The following RBBP8 variants were observed in gnomAD, a reference collection of about 807,000 sequenced individuals.
RBBP8 encodes DNA endonuclease RBBP8.
Under a neutral mutation model 108.3 loss-of-function variants are expected in RBBP8, and 88 were observed. The observed-to-expected ratio is 0.81, with a 90% CI of 0.68 to 0.97. RBBP8 has a LOEUF of 0.97. Ranked by LOEUF, RBBP8 falls within the 50% of genes least tolerant of loss-of-function variation. RBBP8 has a pLI of 0.00. For synonymous variants in RBBP8, 332 were observed against 348.2 expected (o/e 0.95, Z 0.52); for missense variants, 1,023 against 1,049.0 (o/e 0.98, Z 0.34).
intron 3 of RBBP8, among the ~76,000 whole-genome samples, chr18:22,918,501 G>A (rs974692544): frequency 3.9e-5 from 6 of 152,112 alleles, no homozygotes; most frequent in East Asian, 3.8e-4. Context: ...AAAAGGTACC[G>A]TAAAAATATG....
intron 2 of RBBP8, 74 bp downstream of exon 2, chr18:22,937,034 A>T: frequency 6.3e-7 from 1 of 1,591,212 alleles, no homozygotes; most frequent in East Asian, 2.3e-5. Flanking sequence ...TTTGTATGAC[A>T]GTCCTGTTTA....
chr18:23,020,691 C>G (rs1431165495), intron 17 of RBBP8, among the ~76,000 whole-genome samples: 1 of 152,086 alleles, frequency 6.6e-6, no homozygotes, highest in East Asian at 1.9e-4. Context: ...AATCTAAAGT[C>G]CTTATCAAGG....
At chr18:22,997,496 C>A (rs2045879783) in intron 13 of RBBP8, 124 bp from the exon 14 acceptor site, 1 of 700,012 alleles carries the variant, frequency 1.4e-6, no homozygotes, top group Non-Finnish European at 2.5e-6. Flanking sequence ...GCAAATATAG[C>A]TTAATGCTTA....
intron 1 of RBBP8, among the ~76,000 whole-genome samples, chr18:22,915,155 A>C (rs973007475): frequency 5.3e-5 from 8 of 152,048 alleles, no homozygotes; most frequent in African/African-American, 1.9e-4. Context: ...CTGACATATG[A>C]TTTTATCTGG....
At chr18:23,017,989 G>A (rs868081884) in intron 17 of RBBP8, among the ~76,000 whole-genome samples, 13 of 151,726 alleles carry the variant, frequency 8.6e-5, no homozygotes, top group South Asian at 6.2e-4. Context: ...CAATTATTCC[G>A]CCTGCCTTGG....
intron 17 of RBBP8, among the ~76,000 whole-genome samples, chr18:23,020,706 C>T (rs555214445): frequency 2.9e-4 from 44 of 152,192 alleles, no homozygotes; most frequent in African/African-American, 1.1e-3. Context: ...TCAAGGACAA[C>T]AAACTCTGGC....
chr18:22,971,006 T>C (rs1026119235), intron 5 of RBBP8, among the ~76,000 whole-genome samples: 1 of 152,238 alleles, frequency 6.6e-6, no homozygotes, highest in Non-Finnish European at 1.5e-5. Flanking sequence ...TTACCATCTT[T>C]AGAATTTGCA....
chr18:23,025,503 T>C (rs1164411300), intron 18 of RBBP8, among the ~76,000 whole-genome samples: 2 of 152,192 alleles, frequency 1.3e-5, no homozygotes, highest in Non-Finnish European at 2.9e-5. Context: ...GGTCACCAGA[T>C]AGAATCAGTC....
At chr18:22,943,840 C>T (rs1204581725) in intron 2 of RBBP8, among the ~76,000 whole-genome samples, 2 of 152,112 alleles carry the variant, frequency 1.3e-5, no homozygotes, top group African/African-American at 4.8e-5. Flanking sequence ...TTTGTTAATG[C>T]ATAAGGAATT....
In RBBP8 at chr18:23,001,683, A is replaced by C. The variant is rs1399148211; in HGVS notation, c.2241A>C (p.Ala747=). 6.2e-7 allele frequency: 1 copy of C among 1,614,196 alleles called. No homozygotes were observed. Among genetic ancestry groups the C allele is most frequent in the African/African-American group, 1.3e-5 (1 of 75,078 alleles). ...ESCLADSFSQ[A]ADEEEELSTA... Reference sequence around the variant, plus strand: ...GTTTGGCAGACAGTTTCTCCCAAGCAGCAGATGAAGAGGAGGAATTGTCTA... The same window carrying C: ...GTTTGGCAGACAGTTTCTCCCAAGCCGCAGATGAAGAGGAGGAATTGTCTA... Residue 747 remains alanine (A), a synonymous_variant, in exon 15 of 19, where the codon GCA becomes GCC. Coordinates refer to ENST00000327155, the MANE Select transcript of RBBP8 (RefSeq NM_002894.3).
At chr18:22,952,011 A>G (rs1463349207) in intron 4 of RBBP8, among the ~76,000 whole-genome samples, 2 of 152,160 alleles carry the variant, frequency 1.3e-5, no homozygotes, top group African/African-American at 2.4e-5. Flanking sequence ...GAACAGACAA[A>G]TGTGAAAGTC....
chr18:23,024,870 A>T (rs1409958268), intron 18 of RBBP8, among the ~76,000 whole-genome samples: 1 of 152,224 alleles, frequency 6.6e-6, no homozygotes, highest in African/African-American at 2.4e-5. Flanking sequence ...ATTTTTACCC[A>T]CAAGACGATA....
At chr18:22,961,546 C>G (rs560728442) in intron 4 of RBBP8, among the ~76,000 whole-genome samples, 1 of 152,192 alleles carries the variant, frequency 6.6e-6, no homozygotes, top group African/African-American at 2.4e-5. Flanking sequence ...GATGAGAGTG[C>G]CTTATTCTAA....
At chr18:22,975,399 T>C (rs1383566232) in intron 6 of RBBP8, among the ~76,000 whole-genome samples, 180 bp downstream of exon 6, 1 of 152,152 alleles carries the variant, frequency 6.6e-6, no homozygotes, top group Non-Finnish European at 1.5e-5. Flanking sequence ...TCTCTTAGAT[T>C]AGTGCTTGAA....
chr18:22,998,340 C>T (rs1194656102), intron 14 of RBBP8, among the ~76,000 whole-genome samples: 2 of 152,148 alleles, frequency 1.3e-5, no homozygotes, highest in Admixed American at 6.6e-5. Flanking sequence ...CTGTATTCCA[C>T]CTCTACTGAT....
chr18:22,923,153 TTC>T (rs930186869), intron 3 of RBBP8, among the ~76,000 whole-genome samples: 14 of 152,288 alleles, frequency 9.2e-5, no homozygotes, highest in Admixed American at 9.2e-4. Context: ...TATATATATC[TTC>T]TCTCTCTCAT....
chr18:23,013,505 G>C (rs1055532713), intron 16 of RBBP8, among the ~76,000 whole-genome samples: 3 of 152,166 alleles, frequency 2.0e-5, no homozygotes, highest in Admixed American at 2.0e-4. Flanking sequence ...TTTTATAATA[G>C]TAATATCATT....
At chr18:22,933,317 G>A (rs1161708539), upstream of RBBP8, 1 of 152,386 alleles carries the variant, frequency 6.6e-6, no homozygotes, top group Admixed American at 6.5e-5. Context: ...CGTGACGCAA[G>A]TGGAACTCCC....
At chr18:22,961,097 A>T (rs535238958) in intron 4 of RBBP8, among the ~76,000 whole-genome samples, 1 of 152,370 alleles carries the variant, frequency 6.6e-6, no homozygotes, top group African/African-American at 2.4e-5. Flanking sequence ...TTAAAGTTGT[A>T]CTAGCTCCTA....
Sources: allele counts gnomAD v4.1 joint callset (sites outside exome capture counted in the v4.1 genomes callset), GRCh38; gene constraint gnomAD v4.1.1; transcripts MANE v1.5; gene names NCBI Gene and HGNC (gene_info 2026-07-23, HGNC 2026-07-21).